The following CNBD2 variants were observed in gnomAD, a reference collection of about 807,000 sequenced individuals.
CNBD2 encodes the protein cyclic nucleotide-binding domain-containing protein 2.
In CNBD2, 64 loss-of-function variants were observed where a neutral mutation model predicts 63.7. The ratio of observed to expected loss-of-function variants is 1.00; its 90% CI spans 0.82 to 1.24. The LOEUF (loss-of-function observed/expected upper bound fraction) is 1.24, where lower values mean the gene tolerates loss of function less well. Among genes scored for constraint, CNBD2 ranks in the 50% most tolerant of loss-of-function variants. CNBD2 has a pLI of 0.00. For missense variants in CNBD2, 691 were observed against 713.5 expected, an observed-to-expected ratio of 0.97 and a Z score of 0.36; for synonymous variants, 229 against 255.4, an observed-to-expected ratio of 0.90 and a Z score of 0.99.
chr20:35,978,319 A>G (rs2056548551), intron 3 of CNBD2, among the ~76,000 whole-genome samples: 1 of 151,046 alleles, frequency 6.6e-6, no homozygotes, highest in African/African-American at 2.4e-5. Context: ...CTAGGACTGC[A>G]AGTGTGTGCC....
chr20:35,992,594 G>C (rs1434149900), intron 7 of CNBD2, among the ~76,000 whole-genome samples: 1 of 152,104 alleles, frequency 6.6e-6, no homozygotes, highest in African/African-American at 2.4e-5. Context: ...GGAGCTCTTG[G>C]CCAGAAGATG....
chr20:35,987,651 C>A, intron 7 of CNBD2, 118 bp downstream of exon 7: 1 of 1,169,018 alleles, frequency 8.6e-7, no homozygotes. Context: ...AATTCACTTC[C>A]TTCTCAGAGT....
intron 8 of CNBD2, among the ~76,000 whole-genome samples, chr20:35,996,028 T>G (rs936236393): frequency 1.3e-5 from 2 of 152,152 alleles, no homozygotes; most frequent in African/African-American, 4.8e-5. Flanking sequence ...GTCTTTGAGA[T>G]CTTAGACTAC....
rs757110290 is a variant in CNBD2, at chr20:35,980,575, C to T, written c.360C>T (p.Tyr120=). The part of the protein sequence containing the change: ...ILQVLDSYRN[Y]AEPLQLLLAK... ...AGGTTCTGGATAGCTATCGGAACTA[C>T]GCAGAGCCCCTGCAGCTGCTCCTGG... Residue 120 remains tyrosine (Y), a synonymous_variant, in exon 4 of 12, where the codon TAC becomes TAT. Transcript: ENST00000373973. 26 of 1,613,896 alleles carry T rather than the reference C, an allele frequency of 1.6e-5. No homozygotes were observed. Among genetic ancestry groups the T allele is most frequent in the Middle Eastern group, 1.7e-4 (1 of 5,918 alleles).
intron 3 of CNBD2, among the ~76,000 whole-genome samples, chr20:35,978,335 G>A (rs967813871): frequency 6.6e-5 from 10 of 150,810 alleles, no homozygotes; most frequent in Non-Finnish European, 1.3e-4. Flanking sequence ...GTGCCACTAC[G>A]CCTGGCTAAT....
intron 7 of CNBD2, among the ~76,000 whole-genome samples, chr20:35,992,285 G>T (rs1277176280): frequency 2.0e-5 from 3 of 152,186 alleles, no homozygotes; most frequent in African/African-American, 7.2e-5. Flanking sequence ...AAGGCTTCCA[G>T]GCGATTCCAA....
intron 1 of CNBD2, among the ~76,000 whole-genome samples, chr20:35,971,955 G>A (rs1347879723): frequency 6.6e-6 from 1 of 152,136 alleles, no homozygotes; most frequent in South Asian, 2.1e-4. Context: ...TGGGGAAAAG[G>A]TAGGGTGGCC....
intron 8 of CNBD2, among the ~76,000 whole-genome samples, chr20:35,997,776 A>T (rs569240248): frequency 6.6e-6 from 1 of 152,368 alleles, no homozygotes; most frequent in African/African-American, 2.4e-5. Flanking sequence ...TGATGTATGC[A>T]TGAGGCCTTA....
intron 10 of CNBD2, among the ~76,000 whole-genome samples, chr20:36,018,213 G>A (rs544519700): frequency 7.9e-5 from 12 of 152,284 alleles, no homozygotes; most frequent in Non-Finnish European, 1.2e-4. Flanking sequence ...ATGGAGGCAC[G>A]AGGATGGAAA....
At chr20:36,028,907 C>T (rs1207338287) in intron 11 of CNBD2, among the ~76,000 whole-genome samples, 1 of 152,102 alleles carries the variant, frequency 6.6e-6, no homozygotes, top group Non-Finnish European at 1.5e-5. Context: ...AACTCCTGAT[C>T]TGAAGTCATC....
chr20:36,023,565 A>G, intron 10 of CNBD2, 37 bp from the exon 11 acceptor site: 1 of 1,496,004 alleles, frequency 6.7e-7, no homozygotes, highest in Non-Finnish European at 9.0e-7. Flanking sequence ...AGACCTGGCC[A>G]GTCTCTGAGG....
chr20:36,019,293 A>G (rs776050924), intron 10 of CNBD2, among the ~76,000 whole-genome samples: 2 of 152,056 alleles, frequency 1.3e-5, no homozygotes, highest in Non-Finnish European at 2.9e-5. Context: ...TGGGAGGCCA[A>G]GGAAGGAGGA....
At chr20:36,019,385 TG>T (rs1601099923) in intron 10 of CNBD2, among the ~76,000 whole-genome samples, 1 of 151,676 alleles carries the variant, frequency 6.6e-6, no homozygotes, top group African/African-American at 2.4e-5. Context: ...TAGCCGGGTG[TG>T]GTGGTGCACA....
At chr20:35,986,616 G>A (rs1330978486) in intron 6 of CNBD2, among the ~76,000 whole-genome samples, 1 of 152,196 alleles carries the variant, frequency 6.6e-6, no homozygotes, top group Non-Finnish European at 1.5e-5. Flanking sequence ...GGCACTGAGC[G>A]TGTTCACCTC....
intron 2 of CNBD2, among the ~76,000 whole-genome samples, chr20:35,963,347 A>T (rs1192749664): frequency 1.5e-5 from 2 of 130,802 alleles, no homozygotes; most frequent in Admixed American, 7.4e-5. Flanking sequence ...TCTCCAAATT[A>T]AAAAAAAAAA....
chr20:35,995,894 T>C (rs2056818389), intron 8 of CNBD2, among the ~76,000 whole-genome samples: 1 of 152,176 alleles, frequency 6.6e-6, no homozygotes, highest in South Asian at 2.1e-4. Flanking sequence ...ATTTATTTCT[T>C]ATAGTTCTGG....
chr20:35,967,602 C>T (rs1372343695), upstream of CNBD2, among the ~76,000 whole-genome samples: 3 of 150,290 alleles, frequency 2.0e-5, no homozygotes, highest in Admixed American at 1.3e-4. Context: ...CCTGTAATCC[C>T]GGCACTTTGG....
At chr20:35,961,947 C>T (rs1318901235) in intron 2 of CNBD2, among the ~76,000 whole-genome samples, 3 of 152,210 alleles carry the variant, frequency 2.0e-5, no homozygotes, top group Non-Finnish European at 4.4e-5. Context: ...CAGAGCCAGC[C>T]TGTCCATCAC....
At position 35,968,796 on chromosome 20, in the gene CNBD2, C is replaced by G; in HGVS notation, c.34C>G (p.Leu12Val). The G allele has an allele frequency of 6.2e-7, 1 of 1,608,146 alleles. No individual in the cohort carries two copies. Among genetic ancestry groups the G allele is most frequent in the Non-Finnish European group, 8.5e-7 (1 of 1,177,752 alleles). Residue 12 changes from leucine (L) to valine (V), a missense_variant, in exon 1 of 12, where the codon CTC becomes GTC. Transcript: ENST00000373973. ...ACATATGGTAACTTATGCCTGGCAGCTCCTGAAGAAGGAACTGGTGAGGAG... is the reference window on the plus strand; with the variant it reads ...ACATATGGTAACTTATGCCTGGCAGGTCCTGAAGAAGGAACTGGTGAGGAG... Reference protein sequence around the residue: ...RRHMVTYAWQLLKKELGLYQL... With the variant: ...RRHMVTYAWQVLKKELGLYQL...
Sources: gnomAD v4.1 joint callset for allele counts (sites outside exome capture counted in the v4.1 genomes callset) on GRCh38, gnomAD v4.1.1 for gene constraint, MANE v1.5 for transcripts, NCBI Gene and HGNC (gene_info 2026-07-23, HGNC 2026-07-21) for gene names.